Variants in NDST4 observed in about 807,000 individuals in gnomAD.
The protein encoded by NDST4 is N-deacetylase and N-sulfotransferase 4.
A neutral mutation model predicts 100.8 loss-of-function variants in NDST4; 63 were observed. The observed-to-expected ratio is 0.62, with a 90% CI of 0.51 to 0.77. The LOEUF is 0.77. Ranked by LOEUF, NDST4 falls within the 30% of genes least tolerant of loss-of-function variation. The pLI, the probability that NDST4 is intolerant of heterozygous loss-of-function variation, is 0.00. For missense variants in NDST4, 943 were observed against 1,018.4 expected, an observed-to-expected ratio of 0.93 and a Z score of 1.01; for synonymous variants, 377 against 361.8, an observed-to-expected ratio of 1.04 and a Z score of -0.48.
intron 6 of NDST4, among the ~76,000 whole-genome samples, chr4:114,902,534 G>A (rs897291901): frequency 2.6e-5 from 4 of 151,896 alleles, no homozygotes; most frequent in Admixed American, 6.6e-5. Flanking sequence ...AATATGATGT[G>A]CGTAGGTGTA....
chr4:115,085,939 C>G (rs142130530), intron 1 of NDST4, among the ~76,000 whole-genome samples: 1 of 152,196 alleles, frequency 6.6e-6, no homozygotes, highest in East Asian at 1.9e-4. Context: ...CTTTATGAAA[C>G]TTTATGTTAT....
intron 4 of NDST4, among the ~76,000 whole-genome samples, chr4:114,943,815 T>C (rs59124420): frequency 0.082 from 12,427 of 152,226 alleles, 924 homozygotes; most frequent in East Asian, 0.42. Context: ...ATTAGTTTAA[T>C]AATATTAGGG....
At position 114,982,888 on chromosome 4, in the gene NDST4, G is replaced by T. The variant is rs567658452; in HGVS notation, c.979-5614C>A. On this transcript the variant is annotated intron_variant, in intron 2 of 13. Coordinates refer to ENST00000264363, the MANE Select transcript of NDST4 (RefSeq NM_022569.3). ...TCTCTGTGCAGCCTAGGGATATGGTGCCCTGCATCCCAGCCACTCCAGCTC... is the reference window on the plus strand; with the variant it reads ...TCTCTGTGCAGCCTAGGGATATGGTTCCCTGCATCCCAGCCACTCCAGCTC... Among the ~76,000 whole-genome samples, 112 of 152,260 alleles carry T rather than the reference G, an allele frequency of 7.4e-4. 1 individual carries two copies. Among genetic ancestry groups the T allele is most frequent in the African/African-American group, 2.6e-3 (108 of 41,552 alleles).
At chr4:115,105,840 T>A (rs1729822996) in intron 1 of NDST4, among the ~76,000 whole-genome samples, 1 of 152,138 alleles carries the variant, frequency 6.6e-6, no homozygotes, top group South Asian at 2.1e-4. Flanking sequence ...AAATTCCTTT[T>A]GCATAAAAAA....
chr4:115,080,478 T>A (rs1483351952), intron 1 of NDST4, among the ~76,000 whole-genome samples: 1 of 152,158 alleles, frequency 6.6e-6, no homozygotes, highest in East Asian at 1.9e-4. Context: ...TGCAAAAGTC[T>A]TTGTTTCAAA....
intron 4 of NDST4, among the ~76,000 whole-genome samples, chr4:114,968,520 A>T (rs1237693906): frequency 1.3e-5 from 2 of 152,200 alleles, no homozygotes; most frequent in African/African-American, 4.8e-5. Context: ...AGATTGAGAT[A>T]AAAATATTTT....
intron 6 of NDST4, among the ~76,000 whole-genome samples, chr4:114,932,766 T>C (rs148478183): frequency 6.6e-6 from 1 of 152,088 alleles, no homozygotes; most frequent in East Asian, 1.9e-4. Flanking sequence ...GGAATAAATG[T>C]AACCAAGGAA....
At chr4:114,990,819 A>T (rs1157823446) in intron 2 of NDST4, among the ~76,000 whole-genome samples, 1 of 152,104 alleles carries the variant, frequency 6.6e-6, no homozygotes, top group African/African-American at 2.4e-5. Context: ...TGCCCCAGAC[A>T]TCATTGACAG....
intron 6 of NDST4, among the ~76,000 whole-genome samples, chr4:114,921,652 T>G (rs572105372): frequency 1.1e-3 from 168 of 152,320 alleles, no homozygotes; most frequent in Non-Finnish European, 1.0e-3. Context: ...TCTCCCGTTT[T>G]ATAGACATAT....
chr4:114,942,704 AC>A (rs1223938352), intron 4 of NDST4, among the ~76,000 whole-genome samples: 2 of 151,990 alleles, frequency 1.3e-5, no homozygotes, highest in African/African-American at 2.4e-5. Context: ...GCAATTTTTG[AC>A]CCACTGACTT....
At chr4:114,892,228 T>C (rs1051154771) in intron 6 of NDST4, among the ~76,000 whole-genome samples, 8 of 152,148 alleles carry the variant, frequency 5.3e-5, no homozygotes, top group Non-Finnish European at 1.0e-4. Context: ...TATTTATTTA[T>C]GGAATTTAAG....
At chr4:115,056,705 C>T (rs60288687) in intron 2 of NDST4, among the ~76,000 whole-genome samples, 5,550 of 152,080 alleles carry the variant, frequency 0.036, 341 homozygotes, top group African/African-American at 0.12. Context: ...TTTGGTCATG[C>T]TCAGAAAAAA....
At chr4:115,109,976 A>G (rs1451187672) in intron 1 of NDST4, among the ~76,000 whole-genome samples, 4 of 151,960 alleles carry the variant, frequency 2.6e-5, no homozygotes, top group Admixed American at 2.6e-4. Context: ...TTTCAAAAAA[A>G]TATTTTTGCC....
chr4:114,939,881 T>G (rs1037787624), intron 4 of NDST4, among the ~76,000 whole-genome samples: 7 of 152,190 alleles, frequency 4.6e-5, no homozygotes, highest in Non-Finnish European at 1.0e-4. Context: ...TCAATCTAAA[T>G]GACAACACAA....
chr4:114,944,159 A>T (rs1725811267), intron 4 of NDST4, among the ~76,000 whole-genome samples: 1 of 152,202 alleles, frequency 6.6e-6, no homozygotes, highest in South Asian at 2.1e-4. Context: ...TAGGGGCCAG[A>T]GTGTGTGAAC....
intron 1 of NDST4, among the ~76,000 whole-genome samples, chr4:115,084,353 C>A (rs1729365962): frequency 6.6e-6 from 1 of 152,030 alleles, no homozygotes; most frequent in African/African-American, 2.4e-5. Flanking sequence ...AATTTGCAGC[C>A]CGATGATGCA....
intron 12 of NDST4, 146 bp downstream of exon 12, chr4:114,833,459 AT>A (rs2126180525): frequency 3.3e-6 from 2 of 606,454 alleles, no homozygotes; most frequent in East Asian, 6.2e-5. Flanking sequence ...ACACTACATG[AT>A]TGATGAGGAT....
intron 6 of NDST4, among the ~76,000 whole-genome samples, chr4:114,880,284 T>C (rs1189379980): frequency 6.6e-6 from 1 of 152,206 alleles, no homozygotes; most frequent in Non-Finnish European, 1.5e-5. Flanking sequence ...TTAGATGTCA[T>C]GGCAATTACA....
At chr4:114,916,906 T>G (rs186262919) in intron 6 of NDST4, among the ~76,000 whole-genome samples, 1 of 152,102 alleles carries the variant, frequency 6.6e-6, no homozygotes, top group African/African-American at 2.4e-5. Flanking sequence ...TTTATTTCTC[T>G]GGAACACTAT....
Sources: allele counts gnomAD v4.1 joint callset (sites outside exome capture counted in the v4.1 genomes callset), GRCh38; gene constraint gnomAD v4.1.1; transcripts MANE v1.5; gene names NCBI Gene and HGNC (gene_info 2026-07-23, HGNC 2026-07-21).